The following WAC variants were observed in gnomAD, a reference collection of about 807,000 sequenced individuals.
WAC encodes the protein WW domain containing adaptor with coiled-coil, also known as WW domain-containing adapter protein with coiled-coil.
A neutral mutation model predicts 79.6 loss-of-function variants in WAC; 11 were observed. That is an observed-to-expected ratio of 0.14 (90% CI 0.09 to 0.23). WAC has a LOEUF of 0.23. Among genes scored for constraint, WAC ranks in the 10% least tolerant of loss-of-function variants. WAC has a pLI of 1.00. For synonymous variants in WAC, 304 were observed against 276.9 expected (o/e 1.10, Z -0.97); for missense variants, 728 against 773.5 (o/e 0.94, Z 0.70).
Position 28,619,525 on chromosome 10 carries a change from T to G in WAC, c.1875-12T>G. 6.4e-7 allele frequency: 1 copy of G among 1,562,956 alleles called. No individual in the cohort carries two copies. Among genetic ancestry groups the G allele is most frequent in the Non-Finnish European group, 8.6e-7 (1 of 1,161,824 alleles). On this transcript the variant is annotated splice_polypyrimidine_tract_variant and intron_variant, in intron 13 of 13. Transcript: ENST00000354911. ...ATGTACACAGGTTCTAATGTCTGCT[T>G]TTTTTTTTCAGGATACTATTTTTGA...
At chr10:28,565,082 A>G (rs896672134) in intron 3 of WAC, among the ~76,000 whole-genome samples, 4 of 138,358 alleles carry the variant, frequency 2.9e-5, no homozygotes, top group South Asian at 2.5e-4. Context: ...TATAAATGGT[A>G]TAGCATTACC....
chr10:28,575,516 A>G (rs74127261), intron 3 of WAC, among the ~76,000 whole-genome samples: 75 of 152,314 alleles, frequency 4.9e-4, no homozygotes, highest in African/African-American at 1.8e-3. Flanking sequence ...CTTTTTGACT[A>G]TAGCTATTCT....
intron 3 of WAC, among the ~76,000 whole-genome samples, chr10:28,544,954 A>G (rs1269176304): frequency 4.0e-5 from 6 of 150,062 alleles, no homozygotes; most frequent in African/African-American, 1.5e-4. Context: ...AATCCCAGCT[A>G]CTCGAGAGGC....
chr10:28,534,004 C>T lies in WAC; in HGVS notation c.48C>T (p.His16=). 3 of 1,602,864 alleles carry T rather than the reference C, an allele frequency of 1.9e-6. No homozygotes were observed. The highest frequency in any genetic ancestry group is 2.6e-6 in the Non-Finnish European group (3 of 1,174,976). The part of the protein sequence containing the change: ...RKQQRLSDGC[H]DRRGDSQPYQ... ...TTCTCTTCCTGTTTTTCAGCTGTCA[C>T]GACCGGAGGGGGGACTCGCAGCCTT... is the stretch of plus-strand genomic sequence containing the variant. Residue 16 remains histidine (H), a synonymous_variant, in exon 2 of 14, where the codon CAC becomes CAT. Coordinates refer to ENST00000354911, the MANE Select transcript of WAC (RefSeq NM_016628.5).
At chr10:28,613,138 C>G (rs1841324375) in intron 10 of WAC, among the ~76,000 whole-genome samples, 1 of 152,122 alleles carries the variant, frequency 6.6e-6, no homozygotes, top group Non-Finnish European at 1.5e-5. Context: ...GAGGCCGAGG[C>G]AGGCAGATCA....
chr10:28,563,235 T>C (rs575859569), intron 3 of WAC, among the ~76,000 whole-genome samples: 27 of 152,112 alleles, frequency 1.8e-4, no homozygotes, highest in Non-Finnish European at 2.2e-4. Context: ...TTTCAAGTAA[T>C]TTGATTCTTT....
At chr10:28,559,412 T>C (rs963759613) in intron 3 of WAC, among the ~76,000 whole-genome samples, 2 of 152,088 alleles carry the variant, frequency 1.3e-5, no homozygotes, top group African/African-American at 4.8e-5. Flanking sequence ...GCTACCAGTG[T>C]GTTTCTGGTG....
chr10:28,604,916 G>T (rs945403431), intron 7 of WAC, among the ~76,000 whole-genome samples: 2 of 152,148 alleles, frequency 1.3e-5, no homozygotes, highest in Admixed American at 1.3e-4. Context: ...CTATTTCAGT[G>T]ATAAAACTAA....
chr10:28,538,716 C>T (rs1241333875), intron 3 of WAC, among the ~76,000 whole-genome samples: 1 of 150,448 alleles, frequency 6.6e-6, no homozygotes, highest in Non-Finnish European at 1.5e-5. Flanking sequence ...ATAGCAAGAC[C>T]CTGTGTCTAC....
At chr10:28,579,596 T>A (rs1467618680) in intron 3 of WAC, among the ~76,000 whole-genome samples, 1 of 152,180 alleles carries the variant, frequency 6.6e-6, no homozygotes, top group Non-Finnish European at 1.5e-5. Flanking sequence ...GATAGGAGAT[T>A]TAAAAGGAAT....
At chr10:28,576,103 C>T (rs1478050519) in intron 3 of WAC, among the ~76,000 whole-genome samples, 1 of 152,136 alleles carries the variant, frequency 6.6e-6, no homozygotes, top group African/African-American at 2.4e-5. Flanking sequence ...AGGATGTTTG[C>T]ACAACAAAAT....
intron 3 of WAC, among the ~76,000 whole-genome samples, chr10:28,554,039 G>A (rs1010181419): frequency 2.6e-5 from 4 of 152,016 alleles, no homozygotes; most frequent in Non-Finnish European, 4.4e-5. Context: ...GCTAATTTTT[G>A]TATTTTTAGT....
Position 28,622,506 on chromosome 10 carries a change from A to C in WAC, c.*2900A>C, listed in dbSNP as rs1233587210. 7.2e-6 allele frequency: 1 copy of C among 139,358 alleles called. No homozygotes were observed. The highest frequency in any genetic ancestry group is 1.5e-5 in the Non-Finnish European group (1 of 66,444). The allele number at this position is 139,358 out of a possible 1,614,324, so 8.6% of individuals were successfully genotyped here. ...AAATGTCGTGGTATTGTAACAATAT[A>C]TTTGATGAAAGAAGGTTACAGACTC... is the stretch of plus-strand genomic sequence containing the variant. On this transcript the variant is annotated 3_prime_UTR_variant, in exon 14 of 14. Coordinates refer to ENST00000354911, the MANE Select transcript of WAC (RefSeq NM_016628.5).
rs79842289 is a variant in WAC, at chr10:28,606,120, C to T, written c.920-2066C>T. On this transcript the variant is annotated intron_variant, in intron 7 of 13. Coordinates refer to ENST00000354911, the MANE Select transcript of WAC (RefSeq NM_016628.5). ...AGGCTAGATTGCAGTGGCTGAATCA[C>T]GGCTTAATGCAGCCACGACTTCGTG... is the stretch of plus-strand genomic sequence containing the variant. 6.7e-3 allele frequency among the ~76,000 whole-genome samples: 1,018 copies of T among 151,986 alleles called. 11 individuals are homozygous for T. The highest frequency in any genetic ancestry group is 0.024 in the African/African-American group (985 of 41,458).
chr10:28,571,774 A>G (rs945595309), intron 3 of WAC, among the ~76,000 whole-genome samples: 12 of 152,306 alleles, frequency 7.9e-5, no homozygotes, highest in South Asian at 2.1e-4. Flanking sequence ...GGAGACACCT[A>G]TGTGTATGCA....
Position 28,610,949 on chromosome 10 carries a change from A to G in WAC, c.1288+128A>G, listed in dbSNP as rs896965891. The G allele has an allele frequency of 4.1e-5, 46 of 1,135,320 alleles. No homozygotes were observed. The African/African-American group carries it at 6.3e-4, about 16-fold the overall frequency. The allele number at this position is 1,135,320 out of a possible 1,614,324, so 70.3% of individuals were successfully genotyped here. A position where few individuals can be genotyped will look rare whatever the true frequency, so the allele number is the denominator to read the frequency against. The stretch of plus-strand genomic sequence containing the variant: ...AGTTTTTTAAGAGATTAGCTACAAT[A>G]ATTTTGTTTTTTTTGTAACACTGGC... On this transcript the variant is annotated intron_variant, in intron 9 of 13. Transcript: ENST00000354911.
intron 3 of WAC, among the ~76,000 whole-genome samples, chr10:28,554,845 T>C (rs1416163048): frequency 6.6e-6 from 1 of 152,218 alleles, no homozygotes; most frequent in Non-Finnish European, 1.5e-5. Flanking sequence ...TCACACATGC[T>C]TTTTCTTTCT....
At chr10:28,540,329 T>A (rs1394337017) in intron 3 of WAC, among the ~76,000 whole-genome samples, 1 of 152,222 alleles carries the variant, frequency 6.6e-6, no homozygotes, top group South Asian at 2.1e-4. Context: ...TGTCAGAGAT[T>A]AAACACTTGG....
At chr10:28,566,307 CTG>C (rs112721731) in intron 3 of WAC, among the ~76,000 whole-genome samples, 10 of 152,166 alleles carry the variant, frequency 6.6e-5, no homozygotes, top group African/African-American at 2.2e-4. Flanking sequence ...CAAGTGTTGA[CTG>C]TTTTTATAAA....
Sources: gnomAD v4.1 joint callset for allele counts (sites outside exome capture counted in the v4.1 genomes callset) on GRCh38, gnomAD v4.1.1 for gene constraint, MANE v1.5 for transcripts, NCBI Gene and HGNC (gene_info 2026-07-23, HGNC 2026-07-21) for gene names.